The following UGT1A7 variants were observed in gnomAD, a reference collection of about 807,000 sequenced individuals.
UGT1A7 encodes UDP-glucuronosyltransferase 1A7.
UGT1A7 carries 33 observed loss-of-function variants against 45.6 expected under a neutral mutation model. The ratio of observed to expected loss-of-function variants is 0.72; its 90% CI spans 0.55 to 0.97. The LOEUF (loss-of-function observed/expected upper bound fraction) is 0.97. Among genes scored for constraint, UGT1A7 ranks in the 50% least tolerant of loss-of-function variants. The pLI is 0.00. For missense variants in UGT1A7, 684 were observed against 666.2 expected (o/e 1.03, Z -0.29); for synonymous variants, 274 against 250.6 (o/e 1.09, Z -0.88).
At chr2:233,713,906 T>C (rs759773170) in intron 1 of UGT1A7, 10 of 1,612,574 alleles carry the variant, frequency 6.2e-6, no homozygotes, top group Non-Finnish European at 8.5e-6. Flanking sequence ...CAAAACACTT[T>C]TTAAAAAATG....
At chr2:233,715,771 C>CA (rs1328948750) in intron 1 of UGT1A7, among the ~76,000 whole-genome samples, 2 of 151,962 alleles carry the variant, frequency 1.3e-5, no homozygotes, top group East Asian at 3.9e-4. Context: ...GGACCCATCT[C>CA]AAAAAAATAA....
chr2:233,751,463 C>T lies in UGT1A7; in HGVS notation c.856-15571C>T, dbSNP rs191766530. ...ACTTTGGAAGATTGTTGGGAAGGCA[C>T]GATTGGTTTTGAAATGTGAAAAGAC... On this transcript the variant is annotated intron_variant, in intron 1 of 4. Transcript: ENST00000373426. Among the ~76,000 whole-genome samples, 221 of 152,178 alleles carry T rather than the reference C, an allele frequency of 1.5e-3. 1 individual carries two copies. Among genetic ancestry groups the T allele is most frequent in the African/African-American group, 4.9e-3 (203 of 41,476 alleles).
chr2:233,769,756 A>G lies in UGT1A7; in HGVS notation c.1295+1317A>G. 2 of 1,425,682 alleles carry G rather than the reference A, an allele frequency of 1.4e-6. No individual in the cohort carries two copies. Among genetic ancestry groups the G allele is most frequent in the Non-Finnish European group, 1.8e-6 (2 of 1,086,462 alleles). The allele number at this position is 1,425,682 out of a possible 1,614,324, so 88.3% of individuals were successfully genotyped here. ...TGTAGTCCCAGCCACTCTGGAGGCT[A>G]AGGCGGGAGGATTGCTTGAGCCCAG... On this transcript the variant is annotated intron_variant, in intron 4 of 4. Transcript: ENST00000373426. The surrounding 1 kb of genome is among the most constrained non-coding windows in gnomAD (Gnocchi z 4.4).
At chr2:233,705,525 C>T (rs550344536) in intron 1 of UGT1A7, among the ~76,000 whole-genome samples, 2 of 152,190 alleles carry the variant, frequency 1.3e-5, no homozygotes, top group South Asian at 4.1e-4. Flanking sequence ...GGGGAGATTA[C>T]CTTCAGCTGT....
At chr2:233,755,690 C>G (rs58069490) in intron 1 of UGT1A7, 1 of 155,628 alleles carries the variant, frequency 6.4e-6, no homozygotes, top group African/African-American at 2.4e-5. Context: ...TTAGTCTGAC[C>G]GGGGCTGAAG....
intron 1 of UGT1A7, chr2:233,690,896 T>G: frequency 1.9e-6 from 2 of 1,035,856 alleles, no homozygotes; most frequent in African/African-American, 1.7e-5. Context: ...AGGGATGGTA[T>G]GCATAGTGAT....
intron 1 of UGT1A7, among the ~76,000 whole-genome samples, chr2:233,721,302 G>T (rs541150498): frequency 6.6e-6 from 1 of 152,116 alleles, no homozygotes; most frequent in Non-Finnish European, 1.5e-5. Context: ...CATTTGAATA[G>T]TGATTGTGGC....
At chr2:233,691,284 A>C in intron 1 of UGT1A7, 1 of 985,524 alleles carries the variant, frequency 1.0e-6, no homozygotes, top group African/African-American at 1.7e-5. Context: ...GACTTTGATC[A>C]TTGTAAGCTG....
At chr2:233,709,315 A>AT (rs1229942290) in intron 1 of UGT1A7, among the ~76,000 whole-genome samples, 1 of 152,156 alleles carries the variant, frequency 6.6e-6, no homozygotes, top group Non-Finnish European at 1.5e-5. Context: ...TAGATGTCAG[A>AT]TTTTTTGTTA....
chr2:233,742,383 G>T (rs1224558474), intron 1 of UGT1A7, among the ~76,000 whole-genome samples: 1 of 151,994 alleles, frequency 6.6e-6, no homozygotes, highest in African/African-American at 2.4e-5. Flanking sequence ...AGGCACAGAT[G>T]GCTCATGTTA....
chr2:233,687,341 A>G (rs1214962617), intron 1 of UGT1A7, among the ~76,000 whole-genome samples: 2 of 152,122 alleles, frequency 1.3e-5, no homozygotes, highest in Non-Finnish European at 2.9e-5. Flanking sequence ...GAATGATTTA[A>G]ACTTCAGATG....
chr2:233,747,003 G>A (rs1452133223), intron 1 of UGT1A7, among the ~76,000 whole-genome samples: 4 of 151,906 alleles, frequency 2.6e-5, no homozygotes, highest in African/African-American at 4.9e-5. Flanking sequence ...AGTTTTTCAA[G>A]TAGGAGTGAT....
intron 1 of UGT1A7, among the ~76,000 whole-genome samples, chr2:233,762,822 C>T (rs1698173721): frequency 6.6e-6 from 1 of 150,904 alleles, no homozygotes; most frequent in African/African-American, 2.4e-5. Flanking sequence ...TATTGATTTT[C>T]ATAATAAAAA....
intron 1 of UGT1A7, among the ~76,000 whole-genome samples, chr2:233,739,951 G>A (rs533176233): frequency 1.3e-5 from 2 of 151,940 alleles, no homozygotes; most frequent in East Asian, 1.9e-4. Context: ...TACCTGGTGG[G>A]AGCTGATTGA....
At chr2:233,757,721 G>A (rs1696705329) in intron 1 of UGT1A7, among the ~76,000 whole-genome samples, 1 of 151,638 alleles carries the variant, frequency 6.6e-6, no homozygotes, top group Non-Finnish European at 1.5e-5. Flanking sequence ...GGAGGGTCCT[G>A]TAGATGATCT....
chr2:233,747,009 G>A (rs1693538108), intron 1 of UGT1A7, among the ~76,000 whole-genome samples: 1 of 151,886 alleles, frequency 6.6e-6, no homozygotes, highest in African/African-American at 2.4e-5. Context: ...TCAAGTAGGA[G>A]TGATCGGTCT....
chr2:233,747,327 C>T (rs1052520696), intron 1 of UGT1A7: 43 of 1,603,124 alleles, frequency 2.7e-5, no homozygotes, highest in Non-Finnish European at 3.7e-5. Flanking sequence ...CCATTGATGG[C>T]AGCCACTGGC....
At chr2:233,760,461 T>A in intron 1 of UGT1A7, 1 of 1,614,224 alleles carries the variant, frequency 6.2e-7, no homozygotes, top group Non-Finnish European at 8.5e-7. Context: ...ATGAAATAGT[T>A]GTCCTAGCAC....
chr2:233,752,963 T>C (rs372881238), intron 1 of UGT1A7, among the ~76,000 whole-genome samples: 4 of 152,322 alleles, frequency 2.6e-5, no homozygotes, highest in African/African-American at 4.8e-5. Context: ...GGGATTTATG[T>C]AACCAATTGT....
Sources: gnomAD v4.1 joint callset for allele counts (sites outside exome capture counted in the v4.1 genomes callset) on GRCh38, gnomAD v4.1.1 for gene constraint, Gnocchi (gnomAD v3.1) non-coding constraint, MANE v1.5 for transcripts, NCBI Gene and HGNC (gene_info 2026-07-23, HGNC 2026-07-21) for gene names.